The following LIN7A variants were observed in gnomAD, a reference collection of about 807,000 sequenced individuals.
LIN7A encodes the protein lin-7 cell polarity scaffold A, also known as protein lin-7 homolog A.
LIN7A carries 25 observed loss-of-function variants against 29.8 expected under a neutral mutation model. That is an observed-to-expected ratio of 0.84 (90% confidence interval 0.61 to 1.17). LIN7A has a LOEUF of 1.17. Among genes scored for constraint, LIN7A ranks in the 50% most tolerant of loss-of-function variants. The probability of loss-of-function intolerance (pLI) is 0.00; values close to 1 mark genes in which losing one functional copy is unlikely to be tolerated. For missense variants in LIN7A, 239 were observed against 287.0 expected (o/e 0.83, Z 1.21); for synonymous variants, 118 against 107.5 (o/e 1.10, Z -0.60).
In LIN7A at chr12:80,864,590, C is replaced by G. The variant is rs75193080; in HGVS notation, c.202-16268G>C. ...CTGGCATGCAAAGCACTGAATGCGG[C>G]TTGTCTCAAGTAGCAGAGATGCTAA... On this transcript the variant is annotated intron_variant, in intron 2 of 5. Coordinates refer to ENST00000552864, the MANE Select transcript of LIN7A (RefSeq NM_004664.4). Among the ~76,000 whole-genome samples the G allele has an allele frequency of 2.3e-3, 349 of 152,244 alleles. 4 individuals carry two copies. Among genetic ancestry groups the G allele is most frequent in the African/African-American group, 8.1e-3 (338 of 41,542 alleles).
rs370185357 is a variant in LIN7A at position 80,897,289 on chromosome 12, C to A, written c.83-7920G>T. ...TTTTTACCTCACTTTTGTATTTAAT[C>A]TTGTACATATGTTTTTACATCCTTA... On this transcript the variant is annotated intron_variant, in intron 1 of 5. Coordinates refer to ENST00000552864, the MANE Select transcript of LIN7A (RefSeq NM_004664.4). Among the ~76,000 whole-genome samples the A allele has an allele frequency of 2.8e-4, 42 of 152,018 alleles. No homozygotes were observed. In the South Asian group the frequency reaches 7.9e-3, roughly 29 times the overall value.
At chr12:80,836,465 T>A (rs1025690232) in intron 4 of LIN7A, among the ~76,000 whole-genome samples, 1 of 152,096 alleles carries the variant, frequency 6.6e-6, no homozygotes, top group African/African-American at 2.4e-5. Flanking sequence ...GAGACCAGTT[T>A]GGGCAACATA....
chr12:80,837,353 C>T (rs1053990463), intron 4 of LIN7A, among the ~76,000 whole-genome samples: 1 of 151,836 alleles, frequency 6.6e-6, no homozygotes, highest in African/African-American at 2.4e-5. Context: ...TGAAATGAGG[C>T]GATTACCCTG....
At chr12:80,851,889 T>C (rs980524685) in intron 2 of LIN7A, among the ~76,000 whole-genome samples, 2 of 152,180 alleles carry the variant, frequency 1.3e-5, no homozygotes, top group African/African-American at 4.8e-5. Flanking sequence ...ATTGCACAGA[T>C]TCAGTAGCAT....
chr12:80,825,793 T>G (rs1872050735), intron 4 of LIN7A, among the ~76,000 whole-genome samples: 1 of 152,180 alleles, frequency 6.6e-6, no homozygotes, highest in Non-Finnish European at 1.5e-5. Context: ...GATCATAGTT[T>G]TTCAAGTGGT....
chr12:80,853,078 T>G (rs997840879), intron 2 of LIN7A, among the ~76,000 whole-genome samples: 1 of 152,172 alleles, frequency 6.6e-6, no homozygotes, highest in African/African-American at 2.4e-5. Context: ...AACACCTGCC[T>G]ATCTCTGAAT....
Position 80,807,063 on chromosome 12 carries a change from G to GTTTTTTTTTTTTTTTTTTTTTTTTT in LIN7A, c.*4377_*4401dup, listed in dbSNP as rs71094991. On this transcript the variant is annotated intron_variant, in intron 5 of 5. Coordinates refer to ENST00000552864, the MANE Select transcript of LIN7A (RefSeq NM_004664.4). ...CCATAGGAAATTTAATGAAGATGGA[G>GTTTTTTTTTTTTTTTTTTTTTTTTT]TTTTTTTTTTTTTTTTTTTTTTTTT... Among the ~76,000 whole-genome samples the GTTTTTTTTTTTTTTTTTTTTTTTTT allele has an allele frequency of 3.0e-4, 16 of 53,582 alleles. 3 individuals carry two copies. The highest frequency in any genetic ancestry group is 1.3e-3 in the African/African-American group (15 of 11,534). The allele number at this position is 53,582 out of a possible 152,430, so 35.2% of individuals were successfully genotyped here. A position where few individuals can be genotyped will look rare whatever the true frequency, so the allele number is the denominator to read the frequency against.
intron 4 of LIN7A, among the ~76,000 whole-genome samples, chr12:80,825,724 C>T (rs942565091): frequency 9.3e-5 from 14 of 151,094 alleles, no homozygotes; most frequent in Admixed American, 2.0e-4. Flanking sequence ...CCTAGAATTC[C>T]GTCAATCAGA....
intron 2 of LIN7A, among the ~76,000 whole-genome samples, chr12:80,856,098 A>T (rs1423550543): frequency 6.6e-6 from 1 of 152,012 alleles, no homozygotes; most frequent in Non-Finnish European, 1.5e-5. Flanking sequence ...CATTTTTTGC[A>T]AAAAAAGAAA....
Position 80,890,122 on chromosome 12 carries a change from C to T in LIN7A, c.83-753G>A, listed in dbSNP as rs1875546930. ...TTTTAAATGCTTCTCTTTCACTTAACAATATCAAAGGTTAATGTATCAAGA... is the reference window on the plus strand; with the variant it reads ...TTTTAAATGCTTCTCTTTCACTTAATAATATCAAAGGTTAATGTATCAAGA... On this transcript the variant is annotated intron_variant, in intron 1 of 5. Transcript: ENST00000552864. 3.3e-5 allele frequency among the ~76,000 whole-genome samples: 5 copies of T among 152,180 alleles called. No homozygotes were observed. The South Asian group carries it at 8.3e-4, about 25-fold the overall frequency.
intron 1 of LIN7A, among the ~76,000 whole-genome samples, chr12:80,932,609 G>T (rs1877975248): frequency 6.6e-6 from 1 of 152,180 alleles, no homozygotes; most frequent in South Asian, 2.1e-4. Flanking sequence ...CCAAGAGTTG[G>T]TTTTGTATTA....
intron 5 of LIN7A, among the ~76,000 whole-genome samples, chr12:80,809,896 G>A (rs1871206837): frequency 6.6e-6 from 1 of 152,084 alleles, no homozygotes. Flanking sequence ...TCATTGACAA[G>A]TAATAATTTT....
At chr12:80,870,792 C>G (rs749277931) in intron 2 of LIN7A, among the ~76,000 whole-genome samples, 1 of 152,120 alleles carries the variant, frequency 6.6e-6, no homozygotes, top group Non-Finnish European at 1.5e-5. Context: ...GGTGCTAGCT[C>G]CAAGTTGAAA....
intron 2 of LIN7A, among the ~76,000 whole-genome samples, chr12:80,884,893 C>T (rs748842215): frequency 2.6e-5 from 4 of 152,154 alleles, no homozygotes; most frequent in African/African-American, 9.6e-5. Flanking sequence ...TTACAACAGA[C>T]CACTGTTAGC....
intron 1 of LIN7A, 181 bp downstream of exon 1, chr12:80,937,460 G>A (rs969345468): frequency 7.2e-6 from 3 of 416,072 alleles, no homozygotes; most frequent in Non-Finnish European, 1.3e-5. Flanking sequence ...CAGCGGGAAC[G>A]TAGCGGGGAG....
At chr12:80,891,429 G>C (rs1875619044) in intron 1 of LIN7A, among the ~76,000 whole-genome samples, 2 of 152,096 alleles carry the variant, frequency 1.3e-5, no homozygotes, top group African/African-American at 4.8e-5. Context: ...TCCTATAGTG[G>C]GGCCATCCCA....
In LIN7A at chr12:80,796,910, T is replaced by C. The variant is rs1311018820; in HGVS notation, c.*817A>G. The C allele has an allele frequency of 2.6e-5, 4 of 152,120 alleles. No homozygotes were observed. Among genetic ancestry groups the C allele is most frequent in the South Asian group, 2.1e-4 (1 of 4,834 alleles). The allele number at this position is 152,120 out of a possible 1,614,324, so 9.4% of individuals were successfully genotyped here. A position where few individuals can be genotyped will look rare whatever the true frequency, so the allele number is the denominator to read the frequency against. On this transcript the variant is annotated 3_prime_UTR_variant, in exon 6 of 6. Transcript: ENST00000552864. Reference sequence around the variant, plus strand: ...CCTTTGCTAGTATTCTCTTACTAGATTCTTAATACTTGGTAAGAAAAGAAC... The same window carrying C: ...CCTTTGCTAGTATTCTCTTACTAGACTCTTAATACTTGGTAAGAAAAGAAC...
chr12:80,878,760 T>G (rs1795507), intron 2 of LIN7A, among the ~76,000 whole-genome samples: 4 of 151,972 alleles, frequency 2.6e-5, no homozygotes, highest in Admixed American at 2.0e-4. Context: ...CACGGATTGG[T>G]CCATTTTACA....
intron 4 of LIN7A, among the ~76,000 whole-genome samples, chr12:80,830,797 C>T (rs1386637958): frequency 1.3e-5 from 2 of 152,098 alleles, no homozygotes; most frequent in Non-Finnish European, 2.9e-5. Context: ...TTGGTGTTGA[C>T]ACTTTCCTCT....
Sources: gnomAD v4.1 joint callset for allele counts (sites outside exome capture counted in the v4.1 genomes callset) on GRCh38, gnomAD v4.1.1 for gene constraint, MANE v1.5 for transcripts, NCBI Gene and HGNC (gene_info 2026-07-23, HGNC 2026-07-21) for gene names.